The following BACH2 variants were observed in gnomAD, a reference collection of about 807,000 sequenced individuals.
BACH2 encodes BACH transcriptional regulator 2.
A neutral mutation model predicts 61.8 loss-of-function variants in BACH2; 5 were observed. That is an observed-to-expected ratio of 0.08 (90% CI 0.04 to 0.17). The LOEUF (loss-of-function observed/expected upper bound fraction) is 0.17, where lower values mean the gene tolerates loss of function less well. BACH2 is among the 10% of genes least tolerant of loss of function. The pLI is 1.00. For missense variants in BACH2, 824 were observed against 1,091.1 expected, an observed-to-expected ratio of 0.76 and a Z score of 3.45; for synonymous variants, 446 against 440.1, an observed-to-expected ratio of 1.01 and a Z score of -0.17.
chr6:90,048,502 C>CT (rs1779892824), intron 5 of BACH2, among the ~76,000 whole-genome samples: 1 of 152,172 alleles, frequency 6.6e-6, no homozygotes, highest in Admixed American at 6.5e-5. Flanking sequence ...CAATACAAAA[C>CT]TTTATGTTAA....
chr6:90,105,727 TG>T (rs1782873239), intron 4 of BACH2, among the ~76,000 whole-genome samples: 1 of 152,206 alleles, frequency 6.6e-6, no homozygotes, highest in Admixed American at 6.5e-5. Context: ...TATCTGTTTA[TG>T]GGGGTGGCAA....
intron 3 of BACH2, among the ~76,000 whole-genome samples, chr6:90,210,704 T>C (rs1769316405): frequency 6.6e-6 from 1 of 152,166 alleles, no homozygotes; most frequent in Non-Finnish European, 1.5e-5. Context: ...CCTCTAGTAC[T>C]GAACAAAAGG....
chr6:90,284,734 TA>T lies in BACH2; in HGVS notation c.-446+11745del, dbSNP rs566757995. The stretch of plus-strand genomic sequence containing the variant: ...TTATACTTGGGCAAAATCAAGAGAT[TA>T]AAAAAAAAAAGCTCAAACTAACATT... On this transcript the variant is annotated intron_variant, in intron 1 of 8. Coordinates refer to ENST00000257749, the MANE Select transcript of BACH2 (RefSeq NM_021813.4). 5.7e-3 allele frequency among the ~76,000 whole-genome samples: 832 copies of T among 145,270 alleles called. 6 individuals are homozygous for T. Among genetic ancestry groups the T allele is most frequent in the African/African-American group, 0.015 (597 of 39,830 alleles).
rs1369547561 is a variant in BACH2, at chr6:89,951,221, T to A, written c.885A>T (p.Gly295=). The change falls in exon 7 of 9, where the codon GGA becomes GGT. Residue 295 remains glycine (G), a synonymous_variant. Transcript: ENST00000257749. This position sits in a 1 kb window ranked among gnomAD's most constrained non-coding sequence, Gnocchi z 6.4. The stretch of plus-strand genomic sequence containing the variant: ...CTCTGTCCTTGGCGTCAGGCTCATC[T>A]CCAGACAGGCAGAGCGTGATGCTCT... The part of the protein sequence containing the change: ...EEESITLCLS[G]DEPDAKDRAG... 1 of 1,614,052 alleles carries A rather than the reference T, an allele frequency of 6.2e-7. No individual in the cohort carries two copies. The highest frequency in any genetic ancestry group is 8.5e-7 in the Non-Finnish European group (1 of 1,180,024).
chr6:90,059,040 T>A (rs1350313342), intron 5 of BACH2, among the ~76,000 whole-genome samples: 10 of 151,812 alleles, frequency 6.6e-5, no homozygotes, highest in Non-Finnish European at 1.2e-4. Flanking sequence ...AACTTAGGCA[T>A]TACCATTCAG....
At chr6:90,100,824 T>A (rs1274158161) in intron 4 of BACH2, among the ~76,000 whole-genome samples, 1 of 152,108 alleles carries the variant, frequency 6.6e-6, no homozygotes, top group African/African-American at 2.4e-5. Flanking sequence ...ATTTAACATT[T>A]TGAGGAACTG....
chr6:89,972,108 A>G (rs982752278), intron 6 of BACH2, among the ~76,000 whole-genome samples: 1 of 152,182 alleles, frequency 6.6e-6, no homozygotes, highest in African/African-American at 2.4e-5. Context: ...GTGTGGCAGG[A>G]GCAGCAGCTG....
rs116877565 is a variant in BACH2 at position 90,126,447 on chromosome 6, G to A, written c.-161-37338C>T. 2.2e-4 allele frequency among the ~76,000 whole-genome samples: 33 copies of A among 152,290 alleles called. No homozygotes were observed. The East Asian group carries it at 5.8e-3, about 27-fold the overall frequency. ...TTTGGGTCTGCCACAGTTACAAAGA[G>A]TTGTAGACTTCAATATTTAGTTACG... On this transcript the variant is annotated intron_variant, in intron 4 of 8. Coordinates refer to ENST00000257749, the MANE Select transcript of BACH2 (RefSeq NM_021813.4).
intron 3 of BACH2, among the ~76,000 whole-genome samples, chr6:90,224,171 A>G (rs1769834580): frequency 6.6e-6 from 1 of 152,258 alleles, no homozygotes; most frequent in African/African-American, 2.4e-5. Context: ...GAGAAAATGC[A>G]GCAGTCAAGA....
chr6:90,275,381 T>C (rs1489559509), intron 1 of BACH2, among the ~76,000 whole-genome samples: 1 of 152,254 alleles, frequency 6.6e-6, no homozygotes, highest in African/African-American at 2.4e-5. Context: ...TGCTCTCATT[T>C]TACATTTAAT....
intron 5 of BACH2, among the ~76,000 whole-genome samples, chr6:90,044,729 G>T (rs573498563): frequency 5.0e-4 from 76 of 152,304 alleles, no homozygotes; most frequent in African/African-American, 1.7e-3. Context: ...TTTGCTAGTG[G>T]ATTGGATGTG....
Position 90,014,462 on chromosome 6 carries a change from ATATATATTT to A in BACH2, c.-12-5615_-12-5607del, listed in dbSNP as rs1562370117. 1.7e-4 allele frequency among the ~76,000 whole-genome samples: 11 copies of A among 65,170 alleles called. No individual in the cohort carries two copies. The East Asian group carries it at 4.3e-3, about 25-fold the overall frequency. 42.8% of individuals were successfully genotyped at this position (65,170 alleles called of 152,430 possible). A position where few individuals can be genotyped will look rare whatever the true frequency, so the allele number is the denominator to read the frequency against. On this transcript the variant is annotated intron_variant, in intron 5 of 8. Transcript: ENST00000257749. ...TGTGTATATATATATATATATATATATATATATTTTTTTTTTTTTTTTTTTTTTTTTAGA... is the reference window on the plus strand; with the variant it reads ...TGTGTATATATATATATATATATATATTTTTTTTTTTTTTTTTTTTTTAGA...
At chr6:90,219,732 T>C (rs1296772493) in intron 3 of BACH2, among the ~76,000 whole-genome samples, 1 of 152,114 alleles carries the variant, frequency 6.6e-6, no homozygotes, top group Admixed American at 6.6e-5. Context: ...CAGGGGTTGC[T>C]GTGGTGCCCT....
intron 5 of BACH2, among the ~76,000 whole-genome samples, chr6:90,012,398 G>A (rs539879808): frequency 7.2e-5 from 11 of 152,118 alleles, no homozygotes; most frequent in Admixed American, 4.6e-4. Flanking sequence ...GGGAGGCTGA[G>A]GCAGGTGGAT....
chr6:89,972,237 A>G (rs975756139), intron 6 of BACH2, among the ~76,000 whole-genome samples: 1 of 152,032 alleles, frequency 6.6e-6, no homozygotes, highest in Non-Finnish European at 1.5e-5. Context: ...GCAGGAGAGT[A>G]TGAGGGAGAC....
chr6:90,103,029 A>ATATATATATATATTTTTT, intron 4 of BACH2, among the ~76,000 whole-genome samples: 1 of 21,162 alleles, frequency 4.7e-5, no homozygotes, highest in African/African-American at 2.4e-4. Context: ...ATATATATAT[A>ATATATATATATATTTTTT]TTTTTTTTTT....
chr6:90,017,196 T>TC (rs987416394), intron 5 of BACH2, among the ~76,000 whole-genome samples: 15 of 152,080 alleles, frequency 9.9e-5, no homozygotes, highest in Non-Finnish European at 2.1e-4. Flanking sequence ...ATTTTTTTTT[T>TC]CTTTTGGTAC....
At chr6:89,937,677 G>A (rs1292836493) in intron 8 of BACH2, among the ~76,000 whole-genome samples, 1 of 152,082 alleles carries the variant, frequency 6.6e-6, no homozygotes, top group Admixed American at 6.5e-5. Context: ...CTACAGGCAC[G>A]TGCTGCCATG....
intron 1 of BACH2, among the ~76,000 whole-genome samples, chr6:90,294,442 C>A (rs1772274517): frequency 6.6e-6 from 1 of 152,140 alleles, no homozygotes; most frequent in Admixed American, 6.5e-5. Context: ...CAATAAATTT[C>A]TTTCAAAAAC....
Sources: gnomAD v4.1 joint callset for allele counts (sites outside exome capture counted in the v4.1 genomes callset) on GRCh38, gnomAD v4.1.1 for gene constraint, Gnocchi (gnomAD v3.1) non-coding constraint, MANE v1.5 for transcripts, NCBI Gene and HGNC (gene_info 2026-07-23, HGNC 2026-07-21) for gene names.